The following PER3 variants were observed in gnomAD, a reference collection of about 807,000 sequenced individuals.
PER3 encodes the protein period circadian protein homolog 3.
PER3 carries 107 observed loss-of-function variants against 127.2 expected under a neutral mutation model. The ratio of observed to expected loss-of-function variants is 0.84; its 90% confidence interval spans 0.72 to 0.99. The LOEUF is 0.99. Among genes scored for constraint, PER3 ranks in the 50% least tolerant of loss-of-function variants. The pLI, the probability that PER3 is intolerant of heterozygous loss-of-function variation, is 0.00. For missense variants in PER3, 1,560 were observed against 1,525.8 expected (o/e 1.02, Z -0.37); for synonymous variants, 618 against 585.8 (o/e 1.05, Z -0.79).
chr1:7,801,468 G>A (rs767352658), intron 8 of PER3, among the ~76,000 whole-genome samples: 119 of 152,184 alleles, frequency 7.8e-4, no homozygotes, highest in Non-Finnish European at 1.1e-3. Context: ...TGAACCCACC[G>A]GCCAGTTTGC....
intron 13 of PER3, chr1:7,811,408 T>C (rs764184086): frequency 3.4e-5 from 5 of 147,810 alleles, no homozygotes; most frequent in African/African-American, 4.9e-5. Context: ...GTGACATCAC[T>C]GGGAACTTTC....
At chr1:7,834,213 C>T (rs917900479) in intron 19 of PER3, among the ~76,000 whole-genome samples, 1 of 152,338 alleles carries the variant, frequency 6.6e-6, no homozygotes, top group Admixed American at 6.5e-5. Context: ...AGCCACCACG[C>T]CCAGCCTGCT....
intron 19 of PER3, among the ~76,000 whole-genome samples, chr1:7,831,142 G>A (rs965664026): frequency 6.6e-6 from 1 of 151,860 alleles, no homozygotes; most frequent in African/African-American, 2.4e-5. Flanking sequence ...TTCTCAGCAG[G>A]GTTTTATAGT....
chr1:7,799,463 G>T (rs1477523678), intron 7 of PER3, among the ~76,000 whole-genome samples: 1 of 152,032 alleles, frequency 6.6e-6, no homozygotes, highest in South Asian at 2.1e-4. Flanking sequence ...AATTAGCTGG[G>T]TGTGGTGGCG....
intron 16 of PER3, among the ~76,000 whole-genome samples, chr1:7,823,418 G>A (rs1223283711): frequency 2.0e-5 from 3 of 152,018 alleles, no homozygotes; most frequent in Non-Finnish European, 2.9e-5. Context: ...CAAGGCGGGC[G>A]GATCACCTGA....
intron 14 of PER3, 47 bp from the exon 15 acceptor site, chr1:7,820,068 C>T: frequency 2.5e-6 from 4 of 1,587,472 alleles, no homozygotes; most frequent in Non-Finnish European, 3.4e-6. Context: ...GGAAATGGCA[C>T]AATTAGGGAA....
rs968181583 is a variant in PER3, at chr1:7,826,386, G to A, written c.1958-94G>A. 1.1e-5 allele frequency: 8 copies of A among 716,942 alleles called. No homozygotes were observed. Among genetic ancestry groups the A allele is most frequent in the Admixed American group, 5.0e-5 (2 of 40,014 alleles). 44.4% of individuals were successfully genotyped at this position (716,942 alleles called of 1,614,324 possible). A position where few individuals can be genotyped will look rare whatever the true frequency, so the allele number is the denominator to read the frequency against. Reference sequence around the variant, plus strand: ...TTCGTATTCCAGCAGTTATAATAATGTTTGTAAAAATGTATCAAAAGGCAG... The same window carrying A: ...TTCGTATTCCAGCAGTTATAATAATATTTGTAAAAATGTATCAAAAGGCAG... On this transcript the variant is annotated intron_variant, in intron 16 of 21. Coordinates refer to ENST00000377532, the MANE Select transcript of PER3 (RefSeq NM_001377275.1). This position sits in a 1 kb window ranked among gnomAD's most constrained non-coding sequence, Gnocchi z 4.2.
In PER3 at chr1:7,837,168, G is replaced by A. The variant is rs228654; in HGVS notation, c.3549+19G>A. 0.093 allele frequency: 149,032 copies of A among 1,606,904 alleles called. 7,413 individuals carry two copies. Among genetic ancestry groups the A allele is most frequent in the Middle Eastern group, 0.14 (807 of 5,962 alleles). On this transcript the variant is annotated intron_variant, in intron 21 of 21. Coordinates refer to ENST00000377532, the MANE Select transcript of PER3 (RefSeq NM_001377275.1). ...CATTCAAGTAAGCACAGTAATAATG[G>A]CTGTCATATACTCATGTATTTTGGC...
At chr1:7,835,229 A>G (rs990178968) in intron 19 of PER3, among the ~76,000 whole-genome samples, 6 of 152,130 alleles carry the variant, frequency 3.9e-5, no homozygotes, top group Admixed American at 1.3e-4. Flanking sequence ...TTTATTGTAG[A>G]AACACTGTAC....
chr1:7,824,241 C>G (rs1309525219), intron 16 of PER3, among the ~76,000 whole-genome samples: 5 of 151,836 alleles, frequency 3.3e-5, no homozygotes, highest in African/African-American at 1.2e-4. Context: ...GAAATAAGTC[C>G]AAGATAGAAT....
intron 13 of PER3, among the ~76,000 whole-genome samples, chr1:7,812,326 T>A (rs942667601): frequency 6.6e-6 from 1 of 152,084 alleles, no homozygotes; most frequent in Admixed American, 6.5e-5. Context: ...TCACTTTTTA[T>A]AAAATTGAAG....
intron 13 of PER3, among the ~76,000 whole-genome samples, chr1:7,816,679 T>G (rs933554385): frequency 1.3e-5 from 2 of 152,204 alleles, no homozygotes; most frequent in Non-Finnish European, 2.9e-5. Context: ...CTGACAAGTG[T>G]TGACAAGGAC....
Position 7,827,668 on chromosome 1 carries a change from A to T in PER3, c.2739A>T (p.Glu913Asp). 2 of 1,614,162 alleles carry T rather than the reference A, an allele frequency of 1.2e-6. No homozygotes were observed. Among genetic ancestry groups the T allele is most frequent in the Non-Finnish European group, 1.7e-6 (2 of 1,180,032 alleles). ...TCACCAGCCAAAGGAGAGAGGAGGA[A>T]AAGTGGGAGGCACAAAGCGAGGGGC... is the stretch of plus-strand genomic sequence containing the variant. ...PSVTSQRREE[E>D]KWEAQSEGHP... The change falls in exon 18 of 22, where the codon GAA (glutamate) becomes GAT (aspartate). Residue 913 changes from glutamate (E) to aspartate (D), a missense_variant. Coordinates refer to ENST00000377532, the MANE Select transcript of PER3 (RefSeq NM_001377275.1).
chr1:7,787,555 A>G, intron 4 of PER3: 1 of 371,474 alleles, frequency 2.7e-6, no homozygotes, highest in South Asian at 2.1e-5. Context: ...AAAGCTAGAG[A>G]GGAAAGTATG....
intron 6 of PER3, among the ~76,000 whole-genome samples, chr1:7,796,881 G>A (rs922994671): frequency 6.6e-6 from 1 of 152,210 alleles, no homozygotes; most frequent in Non-Finnish European, 1.5e-5. Context: ...TGGAGTGAGT[G>A]TGAAGTAAGA....
At position 7,826,758 on chromosome 1, in the gene PER3, C is replaced by A; in HGVS notation, c.2188+48C>A. The A allele has an allele frequency of 9.1e-7, 1 of 1,104,092 alleles. No homozygotes were observed. Among genetic ancestry groups the A allele is most frequent in the Non-Finnish European group, 1.4e-6 (1 of 728,502 alleles). 68.4% of individuals were successfully genotyped at this position (1,104,092 alleles called of 1,614,324 possible). A position where few individuals can be genotyped will look rare whatever the true frequency, so the allele number is the denominator to read the frequency against. ...ATGCCATTAATCTATGTAAATGTTACAAACTGTATCTAAGGACTAGGAGAT... is the reference window on the plus strand; with the variant it reads ...ATGCCATTAATCTATGTAAATGTTAAAAACTGTATCTAAGGACTAGGAGAT... On this transcript the variant is annotated intron_variant, in intron 17 of 21. Coordinates refer to ENST00000377532, the MANE Select transcript of PER3 (RefSeq NM_001377275.1). This position sits in a 1 kb window ranked among gnomAD's most constrained non-coding sequence, Gnocchi z 4.2.
At chr1:7,833,354 A>C (rs2097341974) in intron 19 of PER3, among the ~76,000 whole-genome samples, 1 of 152,196 alleles carries the variant, frequency 6.6e-6, no homozygotes, top group African/African-American at 2.4e-5. Context: ...TTATTATGAT[A>C]TGGTTTATAT....
At chr1:7,785,038 GC>G (rs1479013151) in intron 2 of PER3, 33 bp downstream of exon 2, 4 of 1,560,574 alleles carry the variant, frequency 2.6e-6, no homozygotes, top group African/African-American at 2.8e-5. Context: ...AGGGCCCCAT[GC>G]GTTCGTTGTC....
chr1:7,832,295 A>G, intron 19 of PER3, among the ~76,000 whole-genome samples: 1 of 151,572 alleles, frequency 6.6e-6, no homozygotes, highest in East Asian at 1.9e-4. Flanking sequence ...ATAACTTTTC[A>G]AAGAACTTTG....
Sources: gnomAD v4.1 joint callset for allele counts (sites outside exome capture counted in the v4.1 genomes callset) on GRCh38, gnomAD v4.1.1 for gene constraint, Gnocchi (gnomAD v3.1) non-coding constraint, MANE v1.5 for transcripts, NCBI Gene and HGNC (gene_info 2026-07-23, HGNC 2026-07-21) for gene names.